The following C14orf39 variants were observed in gnomAD, a reference collection of about 807,000 sequenced individuals.
C14orf39 encodes chromosome 14 open reading frame 39, also known as protein SIX6OS1.
A neutral mutation model predicts 85.6 loss-of-function variants in C14orf39; 66 were observed. The ratio of observed to expected loss-of-function variants is 0.77; its 90% CI spans 0.63 to 0.95. The LOEUF is 0.95. Among genes scored for constraint, C14orf39 ranks in the 40% least tolerant of loss-of-function variants. The pLI is 0.00. For missense variants in C14orf39, 735 were observed against 663.9 expected, an observed-to-expected ratio of 1.11 and a Z score of -1.18; for synonymous variants, 242 against 214.0, an observed-to-expected ratio of 1.13 and a Z score of -1.14.
At chr14:60,455,209 A>T in intron 15 of C14orf39, 64 bp from the exon 16 acceptor site, 1 of 1,191,026 alleles carries the variant, frequency 8.4e-7, no homozygotes, top group Non-Finnish European at 1.2e-6. Flanking sequence ...ACTGGTAAGC[A>T]TCATAAGCAA....
chr14:60,496,729 C>T (rs1893074794), intron 2 of C14orf39: 1 of 152,608 alleles, frequency 6.6e-6, no homozygotes, highest in South Asian at 2.1e-4. Flanking sequence ...TTCAATTTAT[C>T]ACCATTTCCT....
intron 1 of C14orf39, chr14:60,510,962 A>T: frequency 2.0e-6 from 2 of 1,013,276 alleles, no homozygotes; most frequent in Non-Finnish European, 2.9e-6. Flanking sequence ...TCCTCGCCTT[A>T]ACTGCTGGGG....
chr14:60,465,813 C>A (rs1891755430), intron 11 of C14orf39, among the ~76,000 whole-genome samples, 166 bp downstream of exon 11: 1 of 146,816 alleles, frequency 6.8e-6, no homozygotes, highest in Non-Finnish European at 1.5e-5. Flanking sequence ...ATTTTTTAGA[C>A]CTTGAGTTTG....
intron 17 of C14orf39, among the ~76,000 whole-genome samples, chr14:60,437,601 G>A (rs1182492431): frequency 1.3e-5 from 2 of 151,968 alleles, no homozygotes; most frequent in South Asian, 2.1e-4. Flanking sequence ...TAGGTATAAA[G>A]GCTGGAACAG....
intron 16 of C14orf39, among the ~76,000 whole-genome samples, chr14:60,446,935 C>G (rs183059124): frequency 4.1e-4 from 63 of 152,270 alleles, no homozygotes; most frequent in African/African-American, 1.5e-3. Context: ...ATAAACAGAA[C>G]CAATGACAAA....
intron 1 of C14orf39, among the ~76,000 whole-genome samples, chr14:60,510,430 C>T (rs1322174949): frequency 6.6e-6 from 1 of 152,160 alleles, no homozygotes; most frequent in Non-Finnish European, 1.5e-5. Context: ...AAACAGTTTT[C>T]AATGGACTTT....
chr14:60,448,887 G>A (rs1446758879), intron 16 of C14orf39, among the ~76,000 whole-genome samples: 1 of 152,154 alleles, frequency 6.6e-6, no homozygotes, highest in Non-Finnish European at 1.5e-5. Context: ...TTCTTTGCAG[G>A]GACATGGATG....
At chr14:60,477,355 G>C (rs1252818378) in intron 5 of C14orf39, among the ~76,000 whole-genome samples, 1 of 151,614 alleles carries the variant, frequency 6.6e-6, no homozygotes, top group Non-Finnish European at 1.5e-5. Context: ...TCTAGATTTT[G>C]CACGTTTTAG....
At position 60,515,535 on chromosome 14, in the gene C14orf39, T is replaced by A. The variant is rs1893354368; in HGVS notation, c.-284A>T. 6.7e-6 allele frequency: 1 copy of A among 148,158 alleles called. No individual in the cohort carries two copies. The highest frequency in any genetic ancestry group is 1.5e-5 in the Non-Finnish European group (1 of 66,938). The allele number at this position is 148,158 out of a possible 1,614,324, so 9.2% of individuals were successfully genotyped here. Reference sequence around the variant, plus strand: ...AGACGGGGTTCAATTTAAACCTAGGTGGGAGAATGAGCCCACAAGCGCGCG... The same window carrying A: ...AGACGGGGTTCAATTTAAACCTAGGAGGGAGAATGAGCCCACAAGCGCGCG... On this transcript the variant is annotated 5_prime_UTR_variant, in exon 1 of 6. Transcript: ENST00000556799. The surrounding 1 kb of genome is among the most constrained non-coding windows in gnomAD (Gnocchi z 6.2).
chr14:60,442,068 A>G lies in C14orf39; in HGVS notation c.1561+6T>C. ...TTTTAAAGGTAGCAAACTTCAAACA[A>G]CTTACCAATCTCTTGCTCTGATGAC... is the stretch of plus-strand genomic sequence containing the variant. On this transcript the variant is annotated splice_donor_region_variant and intron_variant, in intron 17 of 17. Coordinates refer to ENST00000321731, the MANE Select transcript of C14orf39 (RefSeq NM_174978.3). 1 of 1,606,896 alleles carries G rather than the reference A, an allele frequency of 6.2e-7. No individual in the cohort carries two copies.
intron 16 of C14orf39, among the ~76,000 whole-genome samples, chr14:60,446,789 G>A (rs1181734847): frequency 6.6e-6 from 1 of 152,018 alleles, no homozygotes; most frequent in Non-Finnish European, 1.5e-5. Context: ...ACATCAATGT[G>A]AAAATCCTCA....
chr14:60,450,065 G>A (rs957376659), intron 16 of C14orf39, among the ~76,000 whole-genome samples: 3 of 152,182 alleles, frequency 2.0e-5, no homozygotes, highest in Non-Finnish European at 4.4e-5. Flanking sequence ...GCTCTGAGAG[G>A]TGCTGGCTTC....
At chr14:60,485,690 A>C (rs1234073509) in intron 1 of C14orf39, among the ~76,000 whole-genome samples, 1 of 152,070 alleles carries the variant, frequency 6.6e-6, no homozygotes, top group East Asian at 1.9e-4. Context: ...CGCCTCCCGC[A>C]GTGGGAGTTC....
chr14:60,455,378 GTACTAT>G (rs1891223895), intron 15 of C14orf39, among the ~76,000 whole-genome samples: 1 of 151,918 alleles, frequency 6.6e-6, no homozygotes, highest in South Asian at 2.1e-4. Flanking sequence ...TATGAAATAG[GTACTAT>G]TACTATCATT....
At chr14:60,496,223 G>T in intron 2 of C14orf39, 1 of 416,794 alleles carries the variant, frequency 2.4e-6, no homozygotes, top group South Asian at 1.8e-5. Flanking sequence ...CAGATCTGCT[G>T]GGTGAGCTGG....
At chr14:60,507,637 G>T (rs1893222375) in intron 1 of C14orf39, among the ~76,000 whole-genome samples, 2 of 151,994 alleles carry the variant, frequency 1.3e-5, no homozygotes, top group South Asian at 4.2e-4. Context: ...AGGGTTTTCC[G>T]TCAGAACGAG....
At chr14:60,506,562 GA>G (rs2140185237) in intron 1 of C14orf39, among the ~76,000 whole-genome samples, 1 of 152,272 alleles carries the variant, frequency 6.6e-6, no homozygotes, top group East Asian at 1.9e-4. Context: ...TGAAGCTGGT[GA>G]ACAAATAAGT....
intron 11 of C14orf39, among the ~76,000 whole-genome samples, chr14:60,462,016 T>G (rs758761423): frequency 6.6e-6 from 1 of 152,130 alleles, no homozygotes; most frequent in Non-Finnish European, 1.5e-5. Context: ...ATTAAAAAGC[T>G]GAAACTTTCC....
chr14:60,460,365 T>C (rs1891463554), intron 13 of C14orf39, among the ~76,000 whole-genome samples: 1 of 151,830 alleles, frequency 6.6e-6, no homozygotes, highest in African/African-American at 2.4e-5. Flanking sequence ...TATAATTTTT[T>C]TCTCCCAGAA....
Sources: allele counts gnomAD v4.1 joint callset (sites outside exome capture counted in the v4.1 genomes callset), GRCh38; gene constraint gnomAD v4.1.1; non-coding constraint Gnocchi (gnomAD v3.1); transcripts MANE v1.5; gene names NCBI Gene and HGNC (gene_info 2026-07-23, HGNC 2026-07-21).